AMMECR1L: variants seen among roughly 807,000 people sequenced by gnomAD.
The protein encoded by AMMECR1L is AMMECR1-like protein.
AMMECR1L carries 4 observed loss-of-function variants against 36.8 expected under a neutral mutation model. That is an observed-to-expected ratio of 0.11 (90% CI 0.05 to 0.25). The LOEUF is 0.25. Ranked by LOEUF, AMMECR1L falls within the 10% of genes least tolerant of loss-of-function variation. AMMECR1L has a pLI of 1.00. For missense variants in AMMECR1L, 232 were observed against 392.1 expected (o/e 0.59, Z 3.45); for synonymous variants, 147 against 148.0 (o/e 0.99, Z 0.05).
chr2:127,871,097 A>G lies in AMMECR1L; in HGVS notation c.518+152T>C, dbSNP rs777517450. The G allele has an allele frequency of 2.1e-6, 2 of 947,638 alleles. No homozygotes were observed. Among genetic ancestry groups the G allele is most frequent in the Non-Finnish European group, 3.1e-6 (2 of 635,368 alleles). The allele number at this position is 947,638 out of a possible 1,614,324, so 58.7% of individuals were successfully genotyped here. A position where few individuals can be genotyped will look rare whatever the true frequency, so the allele number is the denominator to read the frequency against. On this transcript the variant is annotated intron_variant, in intron 4 of 7. Coordinates refer to ENST00000272647, the MANE Select transcript of AMMECR1L (RefSeq NM_001199140.2). The surrounding 1 kb of genome is among the most constrained non-coding windows in gnomAD (Gnocchi z 4.3). ...GATGCTATTAACTGTCTGTACTTGAACTGATAACTGACTCACCAGATTAAG... is the reference window on the plus strand; with the variant it reads ...GATGCTATTAACTGTCTGTACTTGAGCTGATAACTGACTCACCAGATTAAG...
At chr2:127,867,378 T>TA (rs1212476650) in intron 6 of AMMECR1L, 1 of 858,982 alleles carries the variant, frequency 1.2e-6, no homozygotes, top group African/African-American at 1.8e-5. Context: ...TTCTGCAACT[T>TA]ATATTCCTTT....
At position 127,871,129 on chromosome 2, in the gene AMMECR1L, A is replaced by C; in HGVS notation, c.518+120T>G. Reference sequence around the variant, plus strand: ...ACTGACTCACCAGATTAAGCCCCTTACATTTCCTGATTACCAAAAAGAGAA... The same window carrying C: ...ACTGACTCACCAGATTAAGCCCCTTCCATTTCCTGATTACCAAAAAGAGAA... On this transcript the variant is annotated intron_variant, in intron 4 of 7. Transcript: ENST00000272647. This position sits in a 1 kb window ranked among gnomAD's most constrained non-coding sequence, Gnocchi z 4.3. 8.7e-7 allele frequency: 1 copy of C among 1,145,258 alleles called. No homozygotes were observed. Among genetic ancestry groups the C allele is most frequent in the Non-Finnish European group, 1.2e-6 (1 of 801,350 alleles). 70.9% of individuals were successfully genotyped at this position (1,145,258 alleles called of 1,614,324 possible).
At chr2:127,872,842 G>T in intron 3 of AMMECR1L, 2 of 295,006 alleles carry the variant, frequency 6.8e-6, no homozygotes, top group Non-Finnish European at 1.0e-5. Context: ...ATCTCCACCT[G>T]CTCAGTCAGG....
chr2:127,876,916 C>T (rs1283085304), intron 2 of AMMECR1L, among the ~76,000 whole-genome samples: 3 of 151,818 alleles, frequency 2.0e-5, no homozygotes, highest in African/African-American at 7.3e-5. Flanking sequence ...ACCCGGGAGG[C>T]TGAGACAGGA....
chr2:127,883,975 G>A (rs1378145414), intron 2 of AMMECR1L, among the ~76,000 whole-genome samples: 1 of 152,088 alleles, frequency 6.6e-6, no homozygotes, highest in South Asian at 2.1e-4. Context: ...ATCATGCCAC[G>A]CCACCACCTA....
chr2:127,867,256 C>A (rs1227423861), intron 6 of AMMECR1L: 1 of 985,366 alleles, frequency 1.0e-6, no homozygotes, highest in Non-Finnish European at 1.2e-6. Flanking sequence ...TCCTTCCTGT[C>A]AGATGTTACC....
Position 127,871,010 on chromosome 2 carries a change from G to C in AMMECR1L, c.519-82C>G. The C allele has an allele frequency of 1.8e-6, 2 of 1,114,444 alleles. No homozygotes were observed. The highest frequency in any genetic ancestry group is 2.6e-6 in the Non-Finnish European group (2 of 773,792). The allele number at this position is 1,114,444 out of a possible 1,614,324, so 69.0% of individuals were successfully genotyped here. ...GGTGCCATAGAGCCCACATATTTAT[G>C]AATCTTGAGCTATGCAGAGAGTATC... On this transcript the variant is annotated intron_variant, in intron 4 of 7. Transcript: ENST00000272647. This position sits in a 1 kb window ranked among gnomAD's most constrained non-coding sequence, Gnocchi z 4.3.
chr2:127,877,725 G>C (rs1048989977), intron 2 of AMMECR1L, among the ~76,000 whole-genome samples: 6 of 152,106 alleles, frequency 3.9e-5, no homozygotes, highest in East Asian at 3.8e-4. Context: ...ATATCCACTG[G>C]ATTCAGTCTT....
At chr2:127,878,965 G>C (rs886569160) in intron 2 of AMMECR1L, among the ~76,000 whole-genome samples, 18 of 152,132 alleles carry the variant, frequency 1.2e-4, no homozygotes, top group African/African-American at 1.7e-4. Context: ...GGAGAAAATA[G>C]TATACTCCAC....
Position 127,873,426 on chromosome 2 carries a change from A to C in AMMECR1L, c.407+402T>G. 1.0e-6 allele frequency: 1 copy of C among 985,448 alleles called. No homozygotes were observed. The highest frequency in any genetic ancestry group is 1.7e-5 in the African/African-American group (1 of 57,364). 61.0% of individuals were successfully genotyped at this position (985,448 alleles called of 1,614,324 possible). A position where few individuals can be genotyped will look rare whatever the true frequency, so the allele number is the denominator to read the frequency against. On this transcript the variant is annotated intron_variant, in intron 3 of 7. Coordinates refer to ENST00000272647, the MANE Select transcript of AMMECR1L (RefSeq NM_001199140.2). This position sits in a 1 kb window ranked among gnomAD's most constrained non-coding sequence, Gnocchi z 5.2. ...ACCAAATCGCAGATCCCAGTGAATG[A>C]GAGCTCCTAGTCTCCAGCCTGGCCC...
intron 2 of AMMECR1L, among the ~76,000 whole-genome samples, chr2:127,880,787 C>A (rs970505093): frequency 1.3e-5 from 2 of 151,608 alleles, no homozygotes; most frequent in African/African-American, 4.9e-5. Context: ...CACACACACA[C>A]ACACACACAC....
intron 2 of AMMECR1L, among the ~76,000 whole-genome samples, chr2:127,875,409 GAA>G (rs899795226): frequency 6.6e-6 from 1 of 152,124 alleles, no homozygotes; most frequent in Non-Finnish European, 1.5e-5. Context: ...GGGAGAGAGA[GAA>G]GAGAGATTTG....
chr2:127,880,580 GC>G lies in AMMECR1L; in HGVS notation c.-39+3622del, dbSNP rs542176286. On this transcript the variant is annotated intron_variant, in intron 2 of 7. Transcript: ENST00000272647. The stretch of plus-strand genomic sequence containing the variant: ...CAAGGGGGCCCTGAACTTCATTAGG[GC>G]CTGCAACAAGGGCCACTCAGTGACT... Among the ~76,000 whole-genome samples, 153 of 152,078 alleles carry G rather than the reference GC, an allele frequency of 1.0e-3. 1 individual carries two copies. The highest frequency in any genetic ancestry group is 3.2e-3 in the African/African-American group (133 of 41,494).
intron 3 of AMMECR1L, chr2:127,872,976 A>T: frequency 1.0e-6 from 1 of 983,142 alleles, no homozygotes; most frequent in Non-Finnish European, 1.2e-6. Flanking sequence ...TGCGTGTGTG[A>T]TTTGCCAACC....
rs549796131 is a variant in AMMECR1L, at chr2:127,869,900, A to G, written c.634-356T>C. ...CATGATCCTTCACATCTGATTCCTA[A>G]TAAAAACTTTTATTTGGCCAGGCGC... On this transcript the variant is annotated intron_variant, in intron 5 of 7. Coordinates refer to ENST00000272647, the MANE Select transcript of AMMECR1L (RefSeq NM_001199140.2). The surrounding 1 kb of genome is among the most constrained non-coding windows in gnomAD (Gnocchi z 4.7). Among the ~76,000 whole-genome samples, 8 of 152,354 alleles carry G rather than the reference A, an allele frequency of 5.3e-5. No homozygotes were observed. The highest frequency in any genetic ancestry group is 1.9e-4 in the African/African-American group (8 of 41,578).
intron 2 of AMMECR1L, among the ~76,000 whole-genome samples, chr2:127,880,045 G>A (rs527618920): frequency 1.3e-5 from 2 of 152,324 alleles, no homozygotes; most frequent in South Asian, 2.1e-4. Flanking sequence ...GCTCACGCCT[G>A]TAATCCCTAC....
rs148777951 is a variant in AMMECR1L, at chr2:127,866,679, G to A, written c.821+221C>T. ...CATCCACAGCCTGCAGGGCAGACCTGCCCTGCTCCAACTGTGCCCCCAGCT... is the reference window on the plus strand; with the variant it reads ...CATCCACAGCCTGCAGGGCAGACCTACCCTGCTCCAACTGTGCCCCCAGCT... On this transcript the variant is annotated intron_variant, in intron 7 of 7. Transcript: ENST00000272647. Among the ~76,000 whole-genome samples, 274 of 152,302 alleles carry A rather than the reference G, an allele frequency of 1.8e-3. 1 individual carries two copies. The highest frequency in any genetic ancestry group is 6.3e-3 in the African/African-American group (262 of 41,568).
chr2:127,875,853 G>A (rs1271181385), intron 2 of AMMECR1L, among the ~76,000 whole-genome samples: 1 of 151,894 alleles, frequency 6.6e-6, no homozygotes, highest in African/African-American at 2.4e-5. Context: ...GAGTGCAGTG[G>A]CACAATCATA....
At position 127,869,791 on chromosome 2, in the gene AMMECR1L, T is replaced by C. The variant is rs1185986062; in HGVS notation, c.634-247A>G. 1.3e-5 allele frequency among the ~76,000 whole-genome samples: 2 copies of C among 152,254 alleles called. No individual in the cohort carries two copies. Among genetic ancestry groups the C allele is most frequent in the Non-Finnish European group, 2.9e-5 (2 of 68,046 alleles). On this transcript the variant is annotated intron_variant, in intron 5 of 7. Coordinates refer to ENST00000272647, the MANE Select transcript of AMMECR1L (RefSeq NM_001199140.2). The surrounding 1 kb of genome is among the most constrained non-coding windows in gnomAD (Gnocchi z 4.7). The stretch of plus-strand genomic sequence containing the variant: ...TATGAAGGTAGGAGAAATGCATTCT[T>C]TAAGTAATTCATCCAGGAATTGTGA...
Sources: gnomAD v4.1 joint callset for allele counts (sites outside exome capture counted in the v4.1 genomes callset) on GRCh38, gnomAD v4.1.1 for gene constraint, Gnocchi (gnomAD v3.1) non-coding constraint, MANE v1.5 for transcripts, NCBI Gene and HGNC (gene_info 2026-07-23, HGNC 2026-07-21) for gene names.